The following CYTH2 variants were observed in gnomAD, a reference collection of about 807,000 sequenced individuals.
CYTH2 encodes the protein cytohesin-2.
CYTH2 carries 24 observed loss-of-function variants against 55.4 expected under a neutral mutation model. That is an observed-to-expected ratio of 0.43 (90% confidence interval 0.31 to 0.61). CYTH2 has a LOEUF of 0.61. Ranked by LOEUF, CYTH2 falls within the 20% of genes least tolerant of loss-of-function variation. CYTH2 has a pLI of 0.08. For missense variants in CYTH2, 378 were observed against 533.5 expected (o/e 0.71, Z 2.87); for synonymous variants, 221 against 209.6 (o/e 1.05, Z -0.47).
At chr19:48,473,259 C>A (rs754995297) in intron 4 of CYTH2, 39 bp from the exon 5 acceptor site, 2 of 1,610,058 alleles carry the variant, frequency 1.2e-6, no homozygotes, top group South Asian at 1.1e-5. Flanking sequence ...CCTGCCCCAT[C>A]CTTTCCAAAC....
At position 48,478,072 on chromosome 19, in the gene CYTH2, G is replaced by A. The variant is rs1230603772; in HGVS notation, c.812G>A (p.Gly271Asp). 6.2e-7 allele frequency: 1 copy of A among 1,613,858 alleles called. No homozygotes were observed. The highest frequency in any genetic ancestry group is 1.3e-5 in the African/African-American group (1 of 74,932). The change falls in exon 9 of 12, where the codon GGC (glycine) becomes GAC (aspartate). Residue 271 changes from glycine (G) to aspartate (D), a missense_variant. By Grantham distance (94) the Gly-to-Asp change is moderately conservative. Coordinates refer to ENST00000452733, the MANE Select transcript of CYTH2 (RefSeq NM_004228.7). ...DREGWLLKLG[G>D]RVKTWKRRWF... ...CCTCCCACCCCTTCCCTTTCAGGGG[G>A]CCGGGTGAAGACGTGGAAGCGGCGC...
chr19:48,470,579 C>T lies in CYTH2; in HGVS notation c.168-24C>T, dbSNP rs368394445. The T allele has an allele frequency of 2.5e-6, 4 of 1,614,248 alleles. No homozygotes were observed. In the South Asian group the frequency reaches 3.3e-5, roughly 13 times the overall value. The stretch of plus-strand genomic sequence containing the variant: ...TGCCCAGGCATTGACCCTCCACCCC[C>T]AACCCTGCTCTCTGCTCCTGCAGTA... On this transcript the variant is annotated intron_variant, in intron 2 of 11. Transcript: ENST00000452733.
At chr19:48,478,822 C>A (rs528574731) in intron 11 of CYTH2, among the ~76,000 whole-genome samples, 6 of 105,726 alleles carry the variant, frequency 5.7e-5, no homozygotes, top group South Asian at 2.9e-4. Flanking sequence ...GGGCCTGGAC[C>A]CCTGGGTCTG....
intron 4 of CYTH2, 195 bp from the exon 5 acceptor site, chr19:48,473,103 T>C (rs1470397957): frequency 6.7e-6 from 4 of 592,996 alleles, no homozygotes; most frequent in South Asian, 4.0e-5. Flanking sequence ...AAGCCAGATA[T>C]TCCTCCCAAG....
chr19:48,473,753 T>C, intron 5 of CYTH2, 152 bp from the exon 6 acceptor site: 1 of 644,802 alleles, frequency 1.6e-6, no homozygotes. Flanking sequence ...CCAATGCCCA[T>C]TGGTGAGACT....
chr19:48,478,859 T>C lies in CYTH2; in HGVS notation c.1113-264T>C, dbSNP rs376715976. Among the ~76,000 whole-genome samples the C allele has an allele frequency of 4.0e-3, 409 of 101,420 alleles. 1 individual carries two copies. The highest frequency in any genetic ancestry group is 0.019 in the African/African-American group (312 of 16,072). 66.5% of individuals were successfully genotyped at this position (101,420 alleles called of 152,430 possible). A position where few individuals can be genotyped will look rare whatever the true frequency, so the allele number is the denominator to read the frequency against. ...CGGAGGAGGGGCCGGGGGCCTGGAC[T>C]CCTGGGTCTGACGGAGGAGGGGCCG... On this transcript the variant is annotated intron_variant, in intron 11 of 11. Transcript: ENST00000452733.
chr19:48,470,142 C>T lies in CYTH2; in HGVS notation c.20-211C>T. ...TCTCCCTCAGACTCAGGAATCCGGGCCCCAATTCCCCTTGTCCCCCAGGAC... is the reference window on the plus strand; with the variant it reads ...TCTCCCTCAGACTCAGGAATCCGGGTCCCAATTCCCCTTGTCCCCCAGGAC... On this transcript the variant is annotated intron_variant, in intron 1 of 11. Transcript: ENST00000452733. 3.7e-6 allele frequency: 3 copies of T among 801,350 alleles called. No individual in the cohort carries two copies. The South Asian group carries it at 4.3e-5, about 12-fold the overall frequency. The allele number at this position is 801,350 out of a possible 1,614,324, so 49.6% of individuals were successfully genotyped here. A position where few individuals can be genotyped will look rare whatever the true frequency, so the allele number is the denominator to read the frequency against.
At chr19:48,471,361 A>G (rs1220195647) in intron 3 of CYTH2, among the ~76,000 whole-genome samples, 2 of 152,192 alleles carry the variant, frequency 1.3e-5, no homozygotes, top group African/African-American at 4.8e-5. Flanking sequence ...CATGTTGGCC[A>G]GGCTGCTTCC....
At chr19:48,473,549 A>G (rs1971846811) in intron 5 of CYTH2, 171 bp downstream of exon 5, 1 of 655,486 alleles carries the variant, frequency 1.5e-6, no homozygotes, top group Admixed American at 2.7e-5. Context: ...GGCCTCCTTC[A>G]GGTATGGCTA....
At position 48,478,049 on chromosome 19, in the gene CYTH2, T is replaced by TC. The variant is rs1394606528; in HGVS notation, c.809-17dup. 6.2e-7 allele frequency: 1 copy of TC among 1,611,606 alleles called. No individual in the cohort carries two copies. On this transcript the variant is annotated intron_variant, in intron 8 of 11. Coordinates refer to ENST00000452733, the MANE Select transcript of CYTH2 (RefSeq NM_004228.7). ...GTCCCCCTGTTGAGCCCAGGCCCCC[T>TC]CCCACCCCTTCCCTTTCAGGGGGCC... is the stretch of plus-strand genomic sequence containing the variant.
intron 2 of CYTH2, 31 bp downstream of exon 2, chr19:48,470,531 G>T: frequency 6.2e-7 from 1 of 1,613,876 alleles, no homozygotes. Context: ...CCTAGGGGGC[G>T]TGGGGTTGGC....
chr19:48,474,162 A>G lies in CYTH2; in HGVS notation c.548-20A>G. 2 of 1,570,752 alleles carry G rather than the reference A, an allele frequency of 1.3e-6. No homozygotes were observed. Among genetic ancestry groups the G allele is most frequent in the Non-Finnish European group, 1.7e-6 (2 of 1,156,920 alleles). On this transcript the variant is annotated intron_variant, in intron 6 of 11. Transcript: ENST00000452733. This position sits in a 1 kb window ranked among gnomAD's most constrained non-coding sequence, Gnocchi z 4.9. Reference sequence around the variant, plus strand: ...GGACTGACATGCCTGGGTCGTCACCACCTGCCCTGTCCGGTGCAGACACGT... The same window carrying G: ...GGACTGACATGCCTGGGTCGTCACCGCCTGCCCTGTCCGGTGCAGACACGT...
chr19:48,470,530 C>T (rs1428518496), intron 2 of CYTH2, 30 bp downstream of exon 2: 7 of 1,613,566 alleles, frequency 4.3e-6, no homozygotes, highest in East Asian at 2.2e-5. Flanking sequence ...ACCTAGGGGG[C>T]GTGGGGTTGG....
chr19:48,470,656 T>C lies in CYTH2; in HGVS notation c.221T>C (p.Met74Thr), dbSNP rs1448674553. ...KMAMGRKKFN[M>T]DPKKGIQFLV... ...GCAATGGGCAGGAAGAAGTTCAACA[T>C]GGACCCCAAGAAGGTGCTTGGGGCC... The change falls in exon 3 of 12, where the codon ATG becomes ACG. Residue 74 changes from methionine to threonine, a missense_variant. Transcript: ENST00000452733. 1.2e-6 allele frequency: 2 copies of C among 1,614,054 alleles called. No individual in the cohort carries two copies. The highest frequency in any genetic ancestry group is 1.7e-6 in the Non-Finnish European group (2 of 1,180,028).
chr19:48,473,681 A>G (rs1290977150), intron 5 of CYTH2: 1 of 597,876 alleles, frequency 1.7e-6, no homozygotes, highest in African/African-American at 1.9e-5. Flanking sequence ...CAACCCCCAG[A>G]CCTGTCTAGC....
At chr19:48,477,124 T>C (rs1449619551) in intron 8 of CYTH2, 1 of 152,308 alleles carries the variant, frequency 6.6e-6, no homozygotes, top group Non-Finnish European at 1.5e-5. Flanking sequence ...CTTACTGTCA[T>C]TGTTTAACCC....
In CYTH2 at chr19:48,474,057, T is replaced by G. The variant is rs1335187509; in HGVS notation, c.547+40T>G. 1 of 1,571,940 alleles carries G rather than the reference T, an allele frequency of 6.4e-7. No individual in the cohort carries two copies. Among genetic ancestry groups the G allele is most frequent in the Non-Finnish European group, 8.6e-7 (1 of 1,159,422 alleles). On this transcript the variant is annotated intron_variant, in intron 6 of 11. Coordinates refer to ENST00000452733, the MANE Select transcript of CYTH2 (RefSeq NM_004228.7). This position sits in a 1 kb window ranked among gnomAD's most constrained non-coding sequence, Gnocchi z 4.9. ...TCCTGGGTCCTGGGAAAGAGGAGAC[T>G]GGGGCCCAGACTCCTAGGTCTGAGG...
chr19:48,473,073 C>T, intron 4 of CYTH2: 3 of 548,276 alleles, frequency 5.5e-6, no homozygotes, highest in African/African-American at 1.9e-5. Context: ...GTACAAAGGT[C>T]TGGCCTAAGC....
chr19:48,473,180 C>T (rs1337920770), intron 4 of CYTH2, 118 bp from the exon 5 acceptor site: 3 of 1,114,202 alleles, frequency 2.7e-6, no homozygotes, highest in South Asian at 2.7e-5. Context: ...AAACTTCACC[C>T]TCGGCAGTGG....
Sources: allele counts gnomAD v4.1 joint callset (sites outside exome capture counted in the v4.1 genomes callset), GRCh38; gene constraint gnomAD v4.1.1; non-coding constraint Gnocchi (gnomAD v3.1); transcripts MANE v1.5; gene names NCBI Gene and HGNC (gene_info 2026-07-23, HGNC 2026-07-21).